INSL6: variants seen among roughly 807,000 people sequenced by gnomAD.
The protein encoded by INSL6 is insulin-like peptide INSL6.
INSL6 carries 16 observed loss-of-function variants against 9.4 expected under a neutral mutation model. The ratio of observed to expected loss-of-function variants is 1.70; its 90% CI spans 1.15 to 2.59. The LOEUF (loss-of-function observed/expected upper bound fraction) is 2.59. Ranked by LOEUF, INSL6 falls within the 30% of genes most tolerant of loss-of-function variation. The probability of loss-of-function intolerance (pLI) is 0.00; values close to 1 mark genes in which losing one functional copy is unlikely to be tolerated. For missense variants in INSL6, 391 were observed against 257.3 expected (o/e 1.52, Z -3.56); for synonymous variants, 154 against 96.9 (o/e 1.59, Z -3.46).
the INSL6 span, among the ~76,000 whole-genome samples, chr9:4,996,254 G>A: frequency 6.6e-6 from 1 of 152,066 alleles, no homozygotes; most frequent in African/African-American, 2.4e-5. Flanking sequence ...TTCACCACCA[G>A]CCTGACTAAC....
At chr9:5,093,565 C>G in the INSL6 span, among the ~76,000 whole-genome samples, 16 of 152,084 alleles carry the variant, frequency 1.1e-4, no homozygotes, top group African/African-American at 3.9e-4. Context: ...CAAATAAAAA[C>G]TCAAAAAGCC....
chr9:5,017,421 C>G, the INSL6 span, among the ~76,000 whole-genome samples: 2 of 152,158 alleles, frequency 1.3e-5, no homozygotes, highest in East Asian at 1.9e-4. Flanking sequence ...AACTTTCTAT[C>G]TTTTCAGAAA....
the INSL6 span, chr9:5,072,682 C>T: frequency 1.7e-5 from 22 of 1,330,356 alleles, no homozygotes; most frequent in South Asian, 3.6e-5. Context: ...GATGTGCTCT[C>T]ATATGCATAC....
chr9:5,162,570 A>C (rs1039816828), downstream of INSL6, among the ~76,000 whole-genome samples: 2 of 152,208 alleles, frequency 1.3e-5, no homozygotes, highest in Non-Finnish European at 2.9e-5. Context: ...CATAGACAAC[A>C]TGGAGCATTT....
At chr9:5,069,054 G>A in the INSL6 span, 495 of 1,600,620 alleles carry the variant, frequency 3.1e-4, 1 homozygote, top group Non-Finnish European at 3.9e-4. Context: ...AACACTGTTT[G>A]ATTACAAAAA....
intron 1 of INSL6, among the ~76,000 whole-genome samples, chr9:5,171,338 C>T (rs1825176909): frequency 6.6e-6 from 1 of 152,120 alleles, no homozygotes; most frequent in Non-Finnish European, 1.5e-5. Context: ...GAGCATACCT[C>T]AAAATAATAG....
chr9:5,184,525 G>C (rs1825526831), intron 1 of INSL6, among the ~76,000 whole-genome samples: 3 of 152,216 alleles, frequency 2.0e-5, no homozygotes, highest in African/African-American at 7.2e-5. Context: ...CATGCGATGT[G>C]CTAGGCCATC....
the INSL6 span, among the ~76,000 whole-genome samples, chr9:5,074,387 A>G: frequency 3.9e-5 from 6 of 152,282 alleles, no homozygotes; most frequent in East Asian, 1.2e-3. Flanking sequence ...CAACTCTGTC[A>G]GCAACATTTT....
chr9:5,164,121 G>T lies in INSL6; in HGVS notation c.434C>A (p.Ala145Glu). 6.2e-7 allele frequency: 1 copy of T among 1,612,396 alleles called. No individual in the cohort carries two copies. The highest frequency in any genetic ancestry group is 1.1e-5 in the South Asian group (1 of 90,566). The stretch of plus-strand genomic sequence containing the variant: ...GTTTCTACGTTTCTTCTGAAATTTT[G>T]CATTCTCATGAATATATACATTGAT... The part of the protein sequence containing the change: ...HNINVYIHEN[A>E]KFQKKRRNKI... Residue 145 changes from alanine to glutamate, a missense_variant, in exon 2 of 2, where the codon GCA (alanine) becomes GAA (glutamate). Physicochemically the swap from Ala to Glu is moderately radical, Grantham distance 107. Coordinates refer to ENST00000381641, the MANE Select transcript of INSL6 (RefSeq NM_007179.3).
At chr9:5,173,373 T>A (rs957480481) in intron 1 of INSL6, among the ~76,000 whole-genome samples, 1 of 152,156 alleles carries the variant, frequency 6.6e-6, no homozygotes, top group Non-Finnish European at 1.5e-5. Context: ...TGCCCATCAA[T>A]AAGAGACTGG....
At chr9:5,180,458 G>T (rs879800351) in intron 1 of INSL6, among the ~76,000 whole-genome samples, 2 of 152,146 alleles carry the variant, frequency 1.3e-5, no homozygotes, top group Non-Finnish European at 2.9e-5. Flanking sequence ...AAGTAGGGAA[G>T]ATATCACTAA....
chr9:5,128,259 A>T (rs1353615418), intron 3 of INSL6: 1 of 230,082 alleles, frequency 4.3e-6, no homozygotes, highest in African/African-American at 2.2e-5. Flanking sequence ...AAGGAAAAGG[A>T]AGAAATGTTT....
At chr9:5,168,251 C>T (rs1825098975) in intron 1 of INSL6, among the ~76,000 whole-genome samples, 2 of 152,104 alleles carry the variant, frequency 1.3e-5, no homozygotes, top group African/African-American at 4.8e-5. Flanking sequence ...AAGTAAGCTT[C>T]AAAAGATGGA....
chr9:5,054,307 A>G, the INSL6 span, among the ~76,000 whole-genome samples: 1 of 152,070 alleles, frequency 6.6e-6, no homozygotes, highest in South Asian at 2.1e-4. This position sits in a 1 kb window ranked among gnomAD's most constrained non-coding sequence, Gnocchi z 4.9. Context: ...TCATTTCATT[A>G]GGGGAAGAAG....
chr9:5,015,632 C>T, the INSL6 span, among the ~76,000 whole-genome samples: 2 of 151,660 alleles, frequency 1.3e-5, no homozygotes, highest in Non-Finnish European at 2.9e-5. Context: ...CCTCGGTCTC[C>T]TGGGCTCAAG....
the INSL6 span, chr9:5,055,018 G>C: frequency 1.7e-6 from 1 of 577,544 alleles, no homozygotes; most frequent in Non-Finnish European, 3.0e-6. Context: ...TTAATAGCGT[G>C]AACCTATCAA....
the INSL6 span, among the ~76,000 whole-genome samples, chr9:5,014,190 GAC>G: frequency 7.5e-6 from 1 of 132,772 alleles, no homozygotes; most frequent in Non-Finnish European, 1.6e-5. Context: ...TTTTCGTAGA[GAC>G]AGGTTCTCAC....
downstream of INSL6, among the ~76,000 whole-genome samples, chr9:5,159,110 A>G (rs538468953): frequency 5.9e-5 from 9 of 152,158 alleles, no homozygotes; most frequent in Non-Finnish European, 1.2e-4. Context: ...TGCAAGCCTC[A>G]TGGTAACCTA....
chr9:5,024,631 G>A, the INSL6 span, among the ~76,000 whole-genome samples: 6 of 152,024 alleles, frequency 3.9e-5, no homozygotes, highest in African/African-American at 1.4e-4. Context: ...ACTCTCCTCT[G>A]TCATCTCTGT....
Sources: allele counts gnomAD v4.1 joint callset (sites outside exome capture counted in the v4.1 genomes callset), GRCh38; gene constraint gnomAD v4.1.1; non-coding constraint Gnocchi (gnomAD v3.1); transcripts MANE v1.5; gene names NCBI Gene and HGNC (gene_info 2026-07-23, HGNC 2026-07-21).